The following ZYG11B variants were observed in gnomAD, a reference collection of about 807,000 sequenced individuals.
ZYG11B encodes protein zyg-11 homolog B.
ZYG11B carries 36 observed loss-of-function variants against 82.4 expected under a neutral mutation model. The ratio of observed to expected loss-of-function variants is 0.44; its 90% CI spans 0.33 to 0.58. ZYG11B has a LOEUF of 0.58. Among genes scored for constraint, ZYG11B ranks in the 20% least tolerant of loss-of-function variants. The pLI, the probability that ZYG11B is intolerant of heterozygous loss-of-function variation, is 0.02. For missense variants in ZYG11B, 552 were observed against 895.6 expected, an observed-to-expected ratio of 0.62 and a Z score of 4.90; for synonymous variants, 303 against 312.8, an observed-to-expected ratio of 0.97 and a Z score of 0.33.
chr1:52,798,860 A>G (rs1417073408), intron 8 of ZYG11B, among the ~76,000 whole-genome samples: 1 of 152,190 alleles, frequency 6.6e-6, no homozygotes, highest in Non-Finnish European at 1.5e-5. Context: ...ATATTTAAAC[A>G]TGCCTGTTAA....
At chr1:52,767,934 A>G (rs1571763017) in intron 2 of ZYG11B, among the ~76,000 whole-genome samples, 2 of 152,278 alleles carry the variant, frequency 1.3e-5, no homozygotes, top group African/African-American at 4.8e-5. Context: ...GGTATCTACT[A>G]ACATCGTGGT....
chr1:52,759,861 T>C (rs1215909956), intron 2 of ZYG11B, among the ~76,000 whole-genome samples: 1 of 152,182 alleles, frequency 6.6e-6, no homozygotes, highest in East Asian at 1.9e-4. Flanking sequence ...GACAGAGTCT[T>C]GCACTGTCAC....
rs979004122 is a variant in ZYG11B at position 52,796,456 on chromosome 1, C to T, written c.1434+65C>T. On this transcript the variant is annotated intron_variant, in intron 7 of 13. Coordinates refer to ENST00000294353, the MANE Select transcript of ZYG11B (RefSeq NM_024646.3). ...GTTTCTCACTACATTTACTGTTTCC[C>T]CCCAAAAGCTGTGTGCCAGAAACAT... is the stretch of plus-strand genomic sequence containing the variant. 4 of 1,335,392 alleles carry T rather than the reference C, an allele frequency of 3.0e-6. No homozygotes were observed. In the African/African-American group the frequency reaches 4.3e-5, roughly 14 times the overall value. The allele number at this position is 1,335,392 out of a possible 1,614,324, so 82.7% of individuals were successfully genotyped here. A position where few individuals can be genotyped will look rare whatever the true frequency, so the allele number is the denominator to read the frequency against.
intron 10 of ZYG11B, among the ~76,000 whole-genome samples, chr1:52,809,199 AT>A (rs888702378): frequency 6.6e-6 from 1 of 152,100 alleles, no homozygotes; most frequent in Non-Finnish European, 1.5e-5. Context: ...CATCTTAACC[AT>A]TTTTAAGTGT....
At chr1:52,779,820 G>T (rs745429138) in intron 3 of ZYG11B, 33 bp from the exon 4 acceptor site, 2 of 1,609,968 alleles carry the variant, frequency 1.2e-6, no homozygotes, top group Non-Finnish European at 1.7e-6. Context: ...GAAAGAGAGA[G>T]AATTCTAAAA....
In ZYG11B at chr1:52,813,876, A is replaced by G. The variant is rs1645203227; in HGVS notation, c.1910A>G (p.Lys637Arg). 6.2e-7 allele frequency: 1 copy of G among 1,614,134 alleles called. No individual in the cohort carries two copies. Reference sequence around the variant, plus strand: ...GTCTTCCAGCATTCAGCTATTTTGAAATGGCCAACTCCAGAGTGTGAGATG... The same window carrying G: ...GTCTTCCAGCATTCAGCTATTTTGAGATGGCCAACTCCAGAGTGTGAGATG... Reference protein sequence around the residue: ...LLDDLHSAILKWPTPECEMVA... With the variant: ...LLDDLHSAILRWPTPECEMVA... Residue 637 changes from lysine to arginine, a missense_variant, in exon 12 of 14, where the codon AAA becomes AGA. By Grantham distance (26) the Lys-to-Arg change is conservative. Around this residue, in one of 3 missense-constraint regions of ZYG11B, gnomAD observed 127 missense variants for 163.4 expected, o/e 0.78. Transcript: ENST00000294353.
chr1:52,734,164 AT>A (rs968205114), intron 1 of ZYG11B, among the ~76,000 whole-genome samples: 1 of 151,760 alleles, frequency 6.6e-6, no homozygotes, highest in Non-Finnish European at 1.5e-5. Flanking sequence ...TGCCCAGCTA[AT>A]TTTTTTTATT....
intron 1 of ZYG11B, among the ~76,000 whole-genome samples, chr1:52,728,205 T>C (rs1351400808): frequency 1.3e-5 from 2 of 152,280 alleles, no homozygotes; most frequent in East Asian, 3.9e-4. Context: ...ACCTGACTAA[T>C]ATAAACTTAA....
chr1:52,803,661 G>A (rs375707858), intron 10 of ZYG11B, among the ~76,000 whole-genome samples: 95 of 152,214 alleles, frequency 6.2e-4, no homozygotes, highest in African/African-American at 2.2e-3. Context: ...CAGTGCAGTG[G>A]CACAATCACG....
intron 12 of ZYG11B, among the ~76,000 whole-genome samples, chr1:52,814,541 A>T (rs1426082201): frequency 2.0e-5 from 3 of 152,148 alleles, no homozygotes; most frequent in Admixed American, 6.6e-5. Context: ...CGTTATGCCA[A>T]ATGTCCATAG....
rs540560223 is a variant in ZYG11B, at chr1:52,825,989, G to T, written c.*4360G>T. The T allele has an allele frequency of 6.6e-6, 1 of 152,104 alleles. No individual in the cohort carries two copies. The allele number at this position is 152,104 out of a possible 1,614,324, so 9.4% of individuals were successfully genotyped here. A position where few individuals can be genotyped will look rare whatever the true frequency, so the allele number is the denominator to read the frequency against. ...AGAACAATGTACAGCTGCACCCAAG[G>T]TTAAAAAGAGGTAGCAGGGAAAACA... On this transcript the variant is annotated 3_prime_UTR_variant, in exon 14 of 14. Coordinates refer to ENST00000294353, the MANE Select transcript of ZYG11B (RefSeq NM_024646.3).
At chr1:52,777,981 A>T (rs1215993174) in intron 3 of ZYG11B, among the ~76,000 whole-genome samples, 1 of 152,162 alleles carries the variant, frequency 6.6e-6, no homozygotes, top group East Asian at 1.9e-4. Context: ...AAGTGAACAC[A>T]CTTGAGACCA....
intron 4 of ZYG11B, among the ~76,000 whole-genome samples, chr1:52,781,920 T>C (rs1307914441): frequency 6.6e-6 from 1 of 152,110 alleles, no homozygotes; most frequent in Non-Finnish European, 1.5e-5. Flanking sequence ...GCACTTGGTA[T>C]ATGAATTGTC....
intron 8 of ZYG11B, among the ~76,000 whole-genome samples, chr1:52,797,418 T>TGA (rs778840442): frequency 2.3e-5 from 2 of 88,402 alleles, no homozygotes; most frequent in Admixed American, 1.7e-4. Flanking sequence ...ATATCATATA[T>TGA]TATACATATT....
chr1:52,735,043 T>G (rs1644366960), intron 1 of ZYG11B, among the ~76,000 whole-genome samples: 1 of 148,344 alleles, frequency 6.7e-6, no homozygotes, highest in Non-Finnish European at 1.5e-5. Flanking sequence ...TCACTTTTTT[T>G]TTTTTTGAGA....
intron 6 of ZYG11B, among the ~76,000 whole-genome samples, chr1:52,793,896 CTTCCTTTCT>C (rs1210998017): frequency 1.7e-4 from 26 of 148,928 alleles, no homozygotes; most frequent in East Asian, 4.0e-4. Context: ...TCCTTCCTTC[CTTCCTTTCT>C]TTCCTTTCTT....
At chr1:52,746,475 A>G (rs774287825) in intron 1 of ZYG11B, among the ~76,000 whole-genome samples, 2 of 152,038 alleles carry the variant, frequency 1.3e-5, no homozygotes, top group Non-Finnish European at 2.9e-5. Flanking sequence ...ATATTTACCT[A>G]TTAGAAGAAC....
intron 12 of ZYG11B, among the ~76,000 whole-genome samples, chr1:52,814,902 A>G (rs1341075288): frequency 6.6e-6 from 1 of 152,196 alleles, no homozygotes; most frequent in Non-Finnish European, 1.5e-5. Context: ...TCATGCCTAT[A>G]ATCCCAGCAC....
chr1:52,775,849 ATATACT>A (rs1644800209), intron 3 of ZYG11B, among the ~76,000 whole-genome samples: 2 of 152,060 alleles, frequency 1.3e-5, no homozygotes, highest in South Asian at 2.1e-4. Context: ...AGAAAAAAGA[ATATACT>A]TATAATTTGA....
Sources: allele counts gnomAD v4.1 joint callset (sites outside exome capture counted in the v4.1 genomes callset), GRCh38; gene constraint gnomAD v4.1.1; regional missense constraint gnomAD v4.1.1; transcripts MANE v1.5; gene names NCBI Gene and HGNC (gene_info 2026-07-23, HGNC 2026-07-21).